UBE2D1: variants seen among roughly 807,000 people sequenced by gnomAD.
The protein encoded by UBE2D1 is ubiquitin conjugating enzyme E2 D1, also known as ubiquitin-conjugating enzyme E2 D1.
In UBE2D1, 9 loss-of-function variants were observed where a neutral mutation model predicts 24.6. The ratio of observed to expected loss-of-function variants is 0.37; its 90% CI spans 0.22 to 0.64. The LOEUF is 0.64. Ranked by LOEUF, UBE2D1 falls within the 30% of genes least tolerant of loss-of-function variation. The pLI, the probability that UBE2D1 is intolerant of heterozygous loss-of-function variation, is 0.64. For missense variants in UBE2D1, 87 were observed against 177.1 expected (o/e 0.49, Z 2.89); for synonymous variants, 57 against 57.6 (o/e 0.99, Z 0.04).
chr10:58,355,189 G>A (rs1840117910), intron 1 of UBE2D1, among the ~76,000 whole-genome samples: 1 of 152,160 alleles, frequency 6.6e-6, no homozygotes, highest in Non-Finnish European at 1.5e-5. Flanking sequence ...CTTCCTGAAA[G>A]TGTTTTAGAA....
At chr10:58,361,740 C>G (rs1564561982) in intron 3 of UBE2D1, among the ~76,000 whole-genome samples, 1 of 151,342 alleles carries the variant, frequency 6.6e-6, no homozygotes. Context: ...TTGCTGAATC[C>G]TAGATCATTA....
chr10:58,364,991 T>C, intron 5 of UBE2D1, 115 bp downstream of exon 5: 1 of 818,840 alleles, frequency 1.2e-6, no homozygotes, highest in Non-Finnish European at 1.9e-6. Context: ...TTCTCCTGTT[T>C]TGATTTTGTT....
chr10:58,345,893 C>G (rs1168893893), intron 1 of UBE2D1, among the ~76,000 whole-genome samples: 1 of 151,986 alleles, frequency 6.6e-6, no homozygotes. Flanking sequence ...CGTTCAGAAA[C>G]AGTAGACCAT....
At chr10:58,346,651 G>C (rs1215174716) in intron 1 of UBE2D1, among the ~76,000 whole-genome samples, 1 of 152,182 alleles carries the variant, frequency 6.6e-6, no homozygotes, top group Non-Finnish European at 1.5e-5. Context: ...CTGGGGAAAA[G>C]TGTTGCAGAT....
At chr10:58,363,550 T>G in intron 3 of UBE2D1, 59 bp from the exon 4 acceptor site, 2 of 1,238,700 alleles carry the variant, frequency 1.6e-6, no homozygotes, top group Non-Finnish European at 2.3e-6. Context: ...GGGAAATAAT[T>G]TTGTTGTTAT....
In UBE2D1 at chr10:58,368,850, T is replaced by G. The variant is rs1840285264; in HGVS notation, c.*85T>G. 1 of 867,680 alleles carries G rather than the reference T, an allele frequency of 1.2e-6. No homozygotes were observed. Among genetic ancestry groups the G allele is most frequent in the Non-Finnish European group, 1.7e-6 (1 of 577,450 alleles). The allele number at this position is 867,680 out of a possible 1,614,324, so 53.7% of individuals were successfully genotyped here. On this transcript the variant is annotated 3_prime_UTR_variant, in exon 7 of 7. Coordinates refer to ENST00000373910, the MANE Select transcript of UBE2D1 (RefSeq NM_003338.5). ...TAGCAGTAAATTGAGCACTGTTTAC[T>G]GTTTCATTGTACCATGAAACCATTT...
Position 58,363,650 on chromosome 10 carries a change from A to G in UBE2D1, c.162A>G (p.Val54=), listed in dbSNP as rs767661636. The change falls in exon 4 of 7, where the codon GTA becomes GTG. Residue 54 remains valine, a synonymous_variant. Transcript: ENST00000373910. ...AYQGGVFFLT[V]HFPTDYPFKP... is the part of the protein sequence containing the mutation. ...AAGGTGGAGTCTTCTTTCTCACTGT[A>G]CATTTTCCGACAGATTATCCTTTTA... is the stretch of plus-strand genomic sequence containing the variant. 3.1e-6 allele frequency: 5 copies of G among 1,612,172 alleles called. No homozygotes were observed. In the Admixed American group the frequency reaches 5.0e-5, roughly 16 times the overall value.
intron 1 of UBE2D1, among the ~76,000 whole-genome samples, chr10:58,355,017 C>G (rs575210890): frequency 2.0e-5 from 3 of 152,262 alleles, no homozygotes; most frequent in Admixed American, 6.5e-5. Flanking sequence ...GTCAAGCTTA[C>G]AGATGACAGC....
intron 1 of UBE2D1, among the ~76,000 whole-genome samples, chr10:58,336,529 T>G (rs1839905129): frequency 6.6e-6 from 1 of 152,230 alleles, no homozygotes; most frequent in African/African-American, 2.4e-5. Flanking sequence ...TGTTATTTTT[T>G]GTGCCATTTA....
chr10:58,357,289 T>C (rs1402072229), intron 1 of UBE2D1, among the ~76,000 whole-genome samples: 1 of 152,108 alleles, frequency 6.6e-6, no homozygotes, highest in East Asian at 1.9e-4. Context: ...ACCCCATATG[T>C]AGTAGTGGTG....
intron 5 of UBE2D1, among the ~76,000 whole-genome samples, chr10:58,367,464 C>T (rs943006139): frequency 3.9e-5 from 6 of 152,058 alleles, no homozygotes; most frequent in Admixed American, 2.6e-4. Flanking sequence ...AAATAAACTA[C>T]ATTAAGTAAA....
Position 58,353,808 on chromosome 10 carries a change from T to C in UBE2D1, c.25-7530T>C, listed in dbSNP as rs1589000256. ...TTACCGTATGCAATCTGCATATCTA[T>C]ATAAAAGAATAATTTATTTTGATTT... On this transcript the variant is annotated intron_variant, in intron 1 of 6. Transcript: ENST00000373910. 4.6e-5 allele frequency among the ~76,000 whole-genome samples: 7 copies of C among 152,344 alleles called. No individual in the cohort carries two copies. In the South Asian group the frequency reaches 1.4e-3, roughly 32 times the overall value.
intron 1 of UBE2D1, among the ~76,000 whole-genome samples, chr10:58,353,394 C>G (rs1163946734): frequency 6.6e-6 from 1 of 152,150 alleles, no homozygotes; most frequent in Non-Finnish European, 1.5e-5. Flanking sequence ...GCAGCTCTGT[C>G]ACTAAGGATT....
At chr10:58,350,134 C>T (rs1307128378) in intron 1 of UBE2D1, among the ~76,000 whole-genome samples, 1 of 152,150 alleles carries the variant, frequency 6.6e-6, no homozygotes, top group Non-Finnish European at 1.5e-5. Flanking sequence ...CATGCATATT[C>T]ACTTTTCTGT....
chr10:58,362,430 G>A (rs571087071), intron 3 of UBE2D1, among the ~76,000 whole-genome samples: 63 of 152,168 alleles, frequency 4.1e-4, no homozygotes, highest in African/African-American at 1.5e-3. Context: ...TTCTAAAAAG[G>A]CAAAATACAA....
intron 1 of UBE2D1, among the ~76,000 whole-genome samples, chr10:58,343,781 A>G (rs1423998315): frequency 6.6e-6 from 1 of 152,210 alleles, no homozygotes; most frequent in Non-Finnish European, 1.5e-5. Flanking sequence ...ATTATGAAAC[A>G]CTCAAGTGCC....
At chr10:58,351,060 TACC>T (rs1255265926) in intron 1 of UBE2D1, among the ~76,000 whole-genome samples, 1 of 152,210 alleles carries the variant, frequency 6.6e-6, no homozygotes, top group Non-Finnish European at 1.5e-5. Flanking sequence ...ATAGGGCACT[TACC>T]ATAAATGGAG....
chr10:58,360,459 G>C (rs1322245965), intron 1 of UBE2D1, among the ~76,000 whole-genome samples: 1 of 151,808 alleles, frequency 6.6e-6, no homozygotes, highest in Admixed American at 6.6e-5. Context: ...AAAGAGAAAA[G>C]AAGAAAAATG....
chr10:58,350,117 A>T (rs1372222446), intron 1 of UBE2D1, among the ~76,000 whole-genome samples: 1 of 152,208 alleles, frequency 6.6e-6, no homozygotes, highest in Non-Finnish European at 1.5e-5. Flanking sequence ...AAATAATGGC[A>T]CTTTGGCATG....
Sources: gnomAD v4.1 joint callset for allele counts (sites outside exome capture counted in the v4.1 genomes callset) on GRCh38, gnomAD v4.1.1 for gene constraint, MANE v1.5 for transcripts, NCBI Gene and HGNC (gene_info 2026-07-23, HGNC 2026-07-21) for gene names.